MEG3: variants seen among roughly 807,000 people sequenced by gnomAD.
The protein encoded by MEG3 is maternally expressed 3, also known as Very putative protein from MEG3 locus.
In MEG3 at chr14:100,843,744, T is replaced by C. The variant is rs368093480; in HGVS notation, n.3046-1714T>C. ...GGCAGGGGTGGGTTGGAGAGATCCC[T>C]GAGAGGCCTGAGGACAGGCGGCAGT... is the stretch of plus-strand genomic sequence containing the variant. On this transcript the variant is annotated intron_variant and non_coding_transcript_variant, in intron 2 of 3. Coordinates refer to the MEG3 transcript ENST00000398461. Among the ~76,000 whole-genome samples the C allele has an allele frequency of 4.6e-4, 69 of 151,086 alleles. 2 individuals are homozygous for C. In the East Asian group the frequency reaches 7.4e-3, roughly 16 times the overall value.
downstream of MEG3, chr14:100,833,441 GGA>G (rs1485583682): frequency 6.6e-6 from 1 of 152,124 alleles, no homozygotes; most frequent in Non-Finnish European, 1.5e-5. Context: ...TGTATTTTTA[GGA>G]GAGACGGGGT....
At chr14:100,831,706 G>A (rs1411666544), downstream of MEG3, 1 of 152,136 alleles carries the variant, frequency 6.6e-6, no homozygotes, top group African/African-American at 2.4e-5. Flanking sequence ...CATCCCCTAG[G>A]AACTTGCACA....
rs1011890367 is a variant in MEG3 at position 100,837,160 on chromosome 14, C to T, written n.3045+860C>T. Among the ~76,000 whole-genome samples the T allele has an allele frequency of 2.0e-5, 3 of 152,098 alleles. No individual in the cohort carries two copies. The highest frequency in any genetic ancestry group is 6.5e-5 in the Admixed American group (1 of 15,276). On this transcript the variant is annotated intron_variant and non_coding_transcript_variant, in intron 2 of 3. Coordinates refer to the MEG3 transcript ENST00000398461. The surrounding 1 kb of genome is among the most constrained non-coding windows in gnomAD (Gnocchi z 5.8). ...GCACAGCAGCCAGGCGAGGTGTCGT[C>T]GAGGGCGGGGGCTCAGGGTGGCATG...
intron 3 of MEG3, chr14:100,847,859 C>G (rs972709756): frequency 6.6e-6 from 1 of 151,996 alleles, no homozygotes; most frequent in Non-Finnish European, 1.5e-5. Context: ...TAGGCTAGGA[C>G]TTGTCATAAG....
chr14:100,860,929 A>C (rs2038388325), exon 2 of MEG3: 1 of 341,592 alleles, frequency 2.9e-6, no homozygotes, highest in East Asian at 8.4e-5. Flanking sequence ...CCTACCTCAC[A>C]GGGCTGTTGT....
intron 1 of MEG3, among the ~76,000 whole-genome samples, chr14:100,826,544 C>A (rs947355952): frequency 1.3e-5 from 2 of 152,186 alleles, no homozygotes; most frequent in South Asian, 2.1e-4. Flanking sequence ...ACGGCAGTCA[C>A]TGGGGGGCGA....
At chr14:100,829,174 A>T (rs1350403092) in exon 3 of MEG3, 1 of 152,098 alleles carries the variant, frequency 6.6e-6, no homozygotes, top group African/African-American at 2.4e-5. Flanking sequence ...ACTTAAACCA[A>T]TGCCCTAGTG....
chr14:100,841,183 C>T (rs2037747571), intron 2 of MEG3, among the ~76,000 whole-genome samples: 1 of 152,214 alleles, frequency 6.6e-6, no homozygotes, highest in Non-Finnish European at 1.5e-5. Flanking sequence ...GGACAAAGTC[C>T]CTGCCGTGAC....
rs2037624885 is a variant in MEG3 at position 100,837,598 on chromosome 14, G to C, written n.3045+1298G>C. Among the ~76,000 whole-genome samples, 3 of 152,120 alleles carry C rather than the reference G, an allele frequency of 2.0e-5. No individual in the cohort carries two copies. The highest frequency in any genetic ancestry group is 4.4e-5 in the Non-Finnish European group (3 of 68,024). On this transcript the variant is annotated intron_variant and non_coding_transcript_variant, in intron 2 of 3. Coordinates refer to the MEG3 transcript ENST00000398461. The surrounding 1 kb of genome is among the most constrained non-coding windows in gnomAD (Gnocchi z 5.8). Reference sequence around the variant, plus strand: ...GTGGATGAACACAGCTGCACGCTGGGTGGGGCCCAGCCTCTAGTCCTCAGC... The same window carrying C: ...GTGGATGAACACAGCTGCACGCTGGCTGGGGCCCAGCCTCTAGTCCTCAGC...
chr14:100,859,914 C>T (rs2140015748), exon 1 of MEG3: 1 of 152,458 alleles, frequency 6.6e-6, no homozygotes, highest in African/African-American at 2.4e-5. Context: ...GCAACCCCTT[C>T]TGACTGTGTG....
chr14:100,859,779 C>G (rs539620753), exon 1 of MEG3: 5 of 152,314 alleles, frequency 3.3e-5, no homozygotes, highest in Admixed American at 3.3e-4. Context: ...CCTCGATTTT[C>G]CCACCCGTTA....
chr14:100,826,681 C>T (rs1292352824), intron 1 of MEG3, among the ~76,000 whole-genome samples: 2 of 152,204 alleles, frequency 1.3e-5, no homozygotes, highest in Admixed American at 6.5e-5. Flanking sequence ...GTCTCCCGGG[C>T]ATATTTGCCT....
intron 2 of MEG3, among the ~76,000 whole-genome samples, chr14:100,836,750 A>C (rs529322399): frequency 3.2e-4 from 49 of 152,290 alleles, no homozygotes; most frequent in Non-Finnish European, 7.4e-5. Context: ...ATTTCTTTCC[A>C]CCAGCCATGG....
intron 2 of MEG3, among the ~76,000 whole-genome samples, chr14:100,842,756 AC>A (rs1390758282): frequency 6.6e-6 from 1 of 152,216 alleles, no homozygotes; most frequent in Admixed American, 6.5e-5. Context: ...GAAAAGAGGA[AC>A]TTTTAAAATC....
intron 2 of MEG3, among the ~76,000 whole-genome samples, chr14:100,839,697 T>A (rs1225024672): frequency 6.6e-6 from 1 of 152,124 alleles, no homozygotes; most frequent in Non-Finnish European, 1.5e-5. Context: ...TCGGGGCTGA[T>A]GAGGGCGTGC....
chr14:100,846,270 C>T (rs1402849483), intron 3 of MEG3: 2 of 152,224 alleles, frequency 1.3e-5, no homozygotes, highest in Admixed American at 6.5e-5. Flanking sequence ...ACAGGTTTCT[C>T]ATGGGGATGG....
Position 100,839,269 on chromosome 14 carries a change from C to A in MEG3, n.3045+2969C>A, listed in dbSNP as rs532833639. ...GAGCTGCAGTGGAAAAGCCCTGGGT[C>A]GCTGGGAGTGGCTTCTTTTTAGGAG... On this transcript the variant is annotated intron_variant and non_coding_transcript_variant, in intron 2 of 3. Coordinates refer to the MEG3 transcript ENST00000398461. 3.1e-4 allele frequency among the ~76,000 whole-genome samples: 47 copies of A among 152,192 alleles called. 1 individual carries two copies. In the East Asian group the frequency reaches 7.2e-3, roughly 23 times the overall value.
chr14:100,849,479 G>T (rs1473644025), intron 3 of MEG3: 6 of 152,190 alleles, frequency 3.9e-5, no homozygotes, highest in Non-Finnish European at 7.4e-5. Context: ...AGCCAGGAAG[G>T]AGCTGCCCAT....
In MEG3 at chr14:100,845,761, A is replaced by G. The variant is rs771535770; in HGVS notation, n.3121+228A>G. On this transcript the variant is annotated intron_variant and non_coding_transcript_variant, in intron 3 of 3. Coordinates refer to the MEG3 transcript ENST00000398461. The surrounding 1 kb of genome is among the most constrained non-coding windows in gnomAD (Gnocchi z 5.2). ...CCTCCTTGTGTTGTCTCTGTGGCAA[A>G]AGAATTCTATAGGCGGGCTTCAAAT... is the stretch of plus-strand genomic sequence containing the variant. The G allele has an allele frequency of 1.6e-4, 36 of 230,460 alleles. No individual in the cohort carries two copies. The highest frequency in any genetic ancestry group is 4.4e-5 in the Non-Finnish European group (5 of 112,928). 14.3% of individuals were successfully genotyped at this position (230,460 alleles called of 1,614,324 possible).
Sources: gnomAD v4.1 joint callset for allele counts (sites outside exome capture counted in the v4.1 genomes callset) on GRCh38, gnomAD v4.1.1 for gene constraint, Gnocchi (gnomAD v3.1) non-coding constraint, MANE v1.5 for transcripts, NCBI Gene and HGNC (gene_info 2026-07-23, HGNC 2026-07-21) for gene names.